The following LAMA2 variants were observed in gnomAD, a reference collection of about 807,000 sequenced individuals.
The protein encoded by LAMA2 is laminin subunit alpha-2.
A neutral mutation model predicts 364.8 loss-of-function variants in LAMA2; 269 were observed. The observed-to-expected ratio is 0.74, with a 90% CI of 0.67 to 0.82. LAMA2 has a LOEUF of 0.82. LAMA2 is among the 40% of genes least tolerant of loss of function. LAMA2 has a pLI of 0.00. For synonymous variants in LAMA2, 1,379 were observed against 1,370.6 expected (o/e 1.01, Z -0.14); for missense variants, 3,807 against 3,873.2 (o/e 0.98, Z 0.45).
chr6:129,473,328 G>T lies in LAMA2; in HGVS notation c.7415G>T (p.Gly2472Val), dbSNP rs200921233. Residue 2472 changes from glycine (G) to valine (V), a missense_variant, in exon 52 of 65, where the codon GGC (glycine) becomes GTC (valine). Gly to Val is a moderately radical substitution (Grantham distance 109, BLOSUM62 -3). Coordinates refer to ENST00000421865, the MANE Select transcript of LAMA2 (RefSeq NM_000426.4). ...LKADDKIYFG[G>V]LPTLRNLSMK... The stretch of plus-strand genomic sequence containing the variant: ...GCAGATGACAAAATATATTTTGGTG[G>T]CCTGCCAACGCTGAGAAACTTGAGG... 369 of 1,612,316 alleles carry T rather than the reference G, an allele frequency of 2.3e-4. No homozygotes were observed. The highest frequency in any genetic ancestry group is 3.0e-4 in the Non-Finnish European group (354 of 1,178,930).
At chr6:128,986,639 A>T (rs1230196560) in intron 1 of LAMA2, among the ~76,000 whole-genome samples, 1 of 152,146 alleles carries the variant, frequency 6.6e-6, no homozygotes, top group African/African-American at 2.4e-5. Context: ...CATATACAAC[A>T]TAGTGGCTGA....
chr6:129,383,069 C>G, intron 34 of LAMA2, 53 bp from the exon 35 acceptor site: 1 of 1,432,002 alleles, frequency 7.0e-7, no homozygotes, highest in Middle Eastern at 1.7e-4. Flanking sequence ...GCTTATCTAG[C>G]TGTAGCTTCA....
intron 34 of LAMA2, among the ~76,000 whole-genome samples, chr6:129,380,794 T>G (rs1368205721): frequency 6.6e-6 from 1 of 152,178 alleles, no homozygotes; most frequent in Non-Finnish European, 1.5e-5. Context: ...ACTTCTTTCT[T>G]ATCATGGAGT....
chr6:128,958,679 A>T (rs1347262934), intron 1 of LAMA2, among the ~76,000 whole-genome samples: 8 of 152,154 alleles, frequency 5.3e-5, no homozygotes, highest in Non-Finnish European at 8.8e-5. Flanking sequence ...TCTAGGTTGT[A>T]TTTTAAAGGA....
rs5879934 is a variant in LAMA2 at position 129,255,405 on chromosome 6, CAAAAAAAAAAAA to C, written c.2096+3129_2096+3140del. On this transcript the variant is annotated intron_variant, in intron 14 of 64. Transcript: ENST00000421865. ...TGGGTGACAGAGGGAGACTCTGTCTCAAAAAAAAAAAAAAAAAAAAAAAAAAAAAAGCCTGGA... is the reference window on the plus strand; with the variant it reads ...TGGGTGACAGAGGGAGACTCTGTCTCAAAAAAAAAAAAAAAAAAGCCTGGA... Among the ~76,000 whole-genome samples, 13 of 33,830 alleles carry C rather than the reference CAAAAAAAAAAAA, an allele frequency of 3.8e-4. No individual in the cohort carries two copies. The South Asian group carries it at 7.7e-3, about 20-fold the overall frequency. The allele number at this position is 33,830 out of a possible 152,430, so 22.2% of individuals were successfully genotyped here. A position where few individuals can be genotyped will look rare whatever the true frequency, so the allele number is the denominator to read the frequency against.
intron 38 of LAMA2, among the ~76,000 whole-genome samples, chr6:129,401,711 C>T (rs1779983392): frequency 6.6e-6 from 1 of 152,138 alleles, no homozygotes; most frequent in Admixed American, 6.5e-5. Flanking sequence ...TAATGCATTA[C>T]ATAGAGTGAT....
At chr6:129,243,611 G>A (rs1785534704) in intron 12 of LAMA2, among the ~76,000 whole-genome samples, 1 of 151,878 alleles carries the variant, frequency 6.6e-6, no homozygotes, top group Non-Finnish European at 1.5e-5. Flanking sequence ...CCAGAACTAT[G>A]TCCTTGACTC....
chr6:129,470,336 G>C (rs1390255896), intron 51 of LAMA2, among the ~76,000 whole-genome samples: 1 of 151,890 alleles, frequency 6.6e-6, no homozygotes, highest in Non-Finnish European at 1.5e-5. Flanking sequence ...GGAAAATATA[G>C]ATGATGGTGT....
chr6:129,161,729 A>T (rs939097187), intron 8 of LAMA2, among the ~76,000 whole-genome samples: 3 of 152,074 alleles, frequency 2.0e-5, no homozygotes, highest in Non-Finnish European at 4.4e-5. Context: ...GTTTAGCTCC[A>T]CTCATAAGAG....
intron 63 of LAMA2, 70 bp downstream of exon 63, chr6:129,512,563 G>A (rs1406892365): frequency 1.3e-6 from 2 of 1,540,010 alleles, no homozygotes; most frequent in African/African-American, 2.7e-5. Flanking sequence ...TCATCCATGT[G>A]TGGGAAACTC....
At chr6:129,237,663 A>G (rs1387013353) in intron 12 of LAMA2, among the ~76,000 whole-genome samples, 2 of 152,094 alleles carry the variant, frequency 1.3e-5, no homozygotes, top group Admixed American at 6.6e-5. Flanking sequence ...ATGCACCCTT[A>G]TAACTGTGGG....
intron 34 of LAMA2, among the ~76,000 whole-genome samples, chr6:129,377,495 T>C (rs1778438620): frequency 6.6e-6 from 1 of 152,220 alleles, no homozygotes; most frequent in Non-Finnish European, 1.5e-5. Context: ...TGGCTCATTG[T>C]CATTCCACGG....
chr6:129,161,110 T>C (rs1489639014), intron 8 of LAMA2, among the ~76,000 whole-genome samples: 1 of 152,126 alleles, frequency 6.6e-6, no homozygotes, highest in African/African-American at 2.4e-5. Flanking sequence ...TTTTATATCT[T>C]ATAAATTAAT....
chr6:129,280,156 ATAC>A lies in LAMA2; in HGVS notation c.2537+13_2537+15del. The A allele has an allele frequency of 1.9e-6, 3 of 1,542,300 alleles. No homozygotes were observed. Among genetic ancestry groups the A allele is most frequent in the Non-Finnish European group, 2.7e-6 (3 of 1,114,762 alleles). On this transcript the variant is annotated intron_variant, in intron 18 of 64. Transcript: ENST00000421865. ...GGACCACGCTGTGAGAGGTAAGAGT[ATAC>A]TACACTGTCTTGCAAAATGATTTCT... is the stretch of plus-strand genomic sequence containing the variant.
chr6:128,948,009 G>A (rs1422936377), intron 1 of LAMA2, among the ~76,000 whole-genome samples: 1 of 152,052 alleles, frequency 6.6e-6, no homozygotes, highest in Non-Finnish European at 1.5e-5. Flanking sequence ...AAGAAAGGAG[G>A]TGAGAGTTGA....
chr6:129,462,516 T>C (rs1003793627), intron 49 of LAMA2, among the ~76,000 whole-genome samples: 1 of 152,014 alleles, frequency 6.6e-6, no homozygotes, highest in Non-Finnish European at 1.5e-5. Flanking sequence ...TCAAACTATA[T>C]TCACATTTTC....
intron 56 of LAMA2, among the ~76,000 whole-genome samples, chr6:129,489,818 C>A (rs1217922636): frequency 1.3e-5 from 2 of 151,918 alleles, no homozygotes; most frequent in African/African-American, 2.4e-5. Flanking sequence ...CGTATGCAAT[C>A]CAACTGATAT....
chr6:129,404,631 T>A (rs1162708726), intron 40 of LAMA2, among the ~76,000 whole-genome samples: 1 of 152,150 alleles, frequency 6.6e-6, no homozygotes, highest in Non-Finnish European at 1.5e-5. Flanking sequence ...TTGGTAGTAC[T>A]ATTTCAGGTT....
intron 4 of LAMA2, among the ~76,000 whole-genome samples, chr6:129,099,107 C>T (rs1004732927): frequency 7.6e-5 from 10 of 131,458 alleles, no homozygotes; most frequent in Admixed American, 4.9e-4. Flanking sequence ...TATGTGGGGG[C>T]GGGGAGGTTT....
Sources: gnomAD v4.1 joint callset for allele counts (sites outside exome capture counted in the v4.1 genomes callset) on GRCh38, gnomAD v4.1.1 for gene constraint, MANE v1.5 for transcripts, NCBI Gene and HGNC (gene_info 2026-07-23, HGNC 2026-07-21) for gene names.